The following NSUN2 variants were observed in gnomAD, a reference collection of about 807,000 sequenced individuals.
NSUN2 encodes RNA cytosine C(5)-methyltransferase NSUN2.
In NSUN2, 63 loss-of-function variants were observed where a neutral mutation model predicts 92.7. That is an observed-to-expected ratio of 0.68 (90% CI 0.56 to 0.84). NSUN2 has a LOEUF of 0.84. Among genes scored for constraint, NSUN2 ranks in the 40% least tolerant of loss-of-function variants. The pLI, the probability that NSUN2 is intolerant of heterozygous loss-of-function variation, is 0.00. For missense variants in NSUN2, 989 were observed against 964.9 expected, an observed-to-expected ratio of 1.02 and a Z score of -0.33; for synonymous variants, 356 against 348.3, an observed-to-expected ratio of 1.02 and a Z score of -0.25.
At chr5:6,602,399 C>T (rs1736592547) in intron 18 of NSUN2, 62 bp downstream of exon 18, 18 of 1,523,628 alleles carry the variant, frequency 1.2e-5, no homozygotes, top group Non-Finnish European at 1.5e-5. Context: ...TCCTCACCAA[C>T]GAGAACACTG....
intron 7 of NSUN2, among the ~76,000 whole-genome samples, chr5:6,618,782 C>T (rs1377512393): frequency 1.3e-5 from 2 of 152,108 alleles, no homozygotes; most frequent in Non-Finnish European, 2.9e-5. Flanking sequence ...ATAGTAAAGA[C>T]TGGATTTGTT....
intron 12 of NSUN2, among the ~76,000 whole-genome samples, chr5:6,607,617 A>G (rs1436511537): frequency 6.6e-6 from 1 of 152,216 alleles, no homozygotes; most frequent in Non-Finnish European, 1.5e-5. Context: ...TTAATCCCAC[A>G]AAGAGCATAT....
rs749630832 is a variant in NSUN2 at position 6,609,886 on chromosome 5, C to G, written c.1263G>C (p.Gly421=). 4 of 1,613,786 alleles carry G rather than the reference C, an allele frequency of 2.5e-6. No homozygotes were observed. In the Admixed American group the frequency reaches 6.7e-5, roughly 27 times the overall value. ...RILPHHQNTG[G]FFVAVLVKKS... is the part of the protein sequence containing the mutation. Reference sequence around the variant, plus strand: ...TTTTCACCAATACTGCCACAAAAAACCCTCCAGTATTCTGATGATGGGGTA... The same window carrying G: ...TTTTCACCAATACTGCCACAAAAAAGCCTCCAGTATTCTGATGATGGGGTA... Residue 421 remains glycine, a synonymous_variant, in exon 12 of 19, where the codon GGG becomes GGC. Coordinates refer to ENST00000264670, the MANE Select transcript of NSUN2 (RefSeq NM_017755.6).
intron 3 of NSUN2, among the ~76,000 whole-genome samples, chr5:6,626,432 T>G (rs1487826596): frequency 6.6e-6 from 1 of 152,024 alleles, no homozygotes; most frequent in Admixed American, 6.6e-5. Context: ...TGTAGTGGTG[T>G]AATCTCAGCT....
intron 18 of NSUN2, 75 bp downstream of exon 18, chr5:6,602,386 C>T: frequency 6.8e-7 from 1 of 1,461,128 alleles, no homozygotes; most frequent in East Asian, 2.3e-5. Context: ...TCCCAAGTCA[C>T]TTTCCTCACC....
chr5:6,624,861 C>CA (rs370216917), intron 4 of NSUN2, among the ~76,000 whole-genome samples: 3 of 151,652 alleles, frequency 2.0e-5, no homozygotes, highest in African/African-American at 4.8e-5. Context: ...CTAAGAATTC[C>CA]AAAAAAAATA....
chr5:6,616,346 A>G (rs1579368420), intron 9 of NSUN2, among the ~76,000 whole-genome samples: 1 of 152,252 alleles, frequency 6.6e-6, no homozygotes, highest in East Asian at 1.9e-4. Flanking sequence ...ATTTTGACAC[A>G]GACAACAACA....
chr5:6,604,487 G>A, intron 16 of NSUN2, 118 bp downstream of exon 16: 15 of 1,015,562 alleles, frequency 1.5e-5, no homozygotes, highest in Non-Finnish European at 2.1e-5. Flanking sequence ...CAAGTGGCTG[G>A]TAGGTGCCAG....
Position 6,620,094 on chromosome 5 carries a change from T to C in NSUN2, c.815+12A>G. On this transcript the variant is annotated intron_variant, in intron 7 of 18. Coordinates refer to ENST00000264670, the MANE Select transcript of NSUN2 (RefSeq NM_017755.6). ...TAGTGGATTTGGGCTTTTTGGCCAA[T>C]AAGATAAATACCTGCAAGGGACATC... 6.5e-7 allele frequency: 1 copy of C among 1,540,990 alleles called. No homozygotes were observed. The highest frequency in any genetic ancestry group is 1.2e-5 in the South Asian group (1 of 81,554).
chr5:6,622,752 C>T (rs1404474131), intron 5 of NSUN2, among the ~76,000 whole-genome samples: 1 of 150,520 alleles, frequency 6.6e-6, no homozygotes, highest in African/African-American at 2.4e-5. Flanking sequence ...GAGACTGAGG[C>T]AGGAGAATTG....
At chr5:6,604,501 A>C (rs1306861340) in intron 16 of NSUN2, 104 bp downstream of exon 16, 1 of 1,108,486 alleles carries the variant, frequency 9.0e-7, no homozygotes, top group Non-Finnish European at 1.4e-6. Flanking sequence ...GTGCCAGCCA[A>C]GCCCTGAGCC....
At chr5:6,616,981 C>T in intron 8 of NSUN2, 124 bp from the exon 9 acceptor site, 1 of 784,356 alleles carries the variant, frequency 1.3e-6, no homozygotes, top group Non-Finnish European at 1.9e-6. Flanking sequence ...TAAAAAAAAC[C>T]TTCCAGGGAT....
chr5:6,606,175 TTTC>T (rs2126473878), intron 14 of NSUN2, among the ~76,000 whole-genome samples: 1 of 152,376 alleles, frequency 6.6e-6, no homozygotes, highest in East Asian at 1.9e-4. Flanking sequence ...CTGCTCTTCA[TTTC>T]TTCTACAGAA....
At chr5:6,607,139 T>C in intron 13 of NSUN2, 61 bp downstream of exon 13, 8 of 1,550,574 alleles carry the variant, frequency 5.2e-6, no homozygotes, top group Non-Finnish European at 7.1e-6. Flanking sequence ...GGATCCCATT[T>C]AATCCAAAAG....
rs1173648223 is a variant in NSUN2 at position 6,611,068 on chromosome 5, C to T, written c.1113G>A (p.Gly371=). Residue 371 remains glycine (G), a synonymous_variant, in exon 11 of 19, where the codon GGG becomes GGA. Transcript: ENST00000264670. ...ITQWKVMTKD[G]QWFTDWDAVP... ...CAGCGTCCCAGTCTGTAAACCACTGCCCATCTTTCGTCATTACCTGCAGAA... is the reference window on the plus strand; with the variant it reads ...CAGCGTCCCAGTCTGTAAACCACTGTCCATCTTTCGTCATTACCTGCAGAA... The T allele has an allele frequency of 1.2e-6, 2 of 1,614,054 alleles. No homozygotes were observed. The highest frequency in any genetic ancestry group is 1.7e-6 in the Non-Finnish European group (2 of 1,180,032).
chr5:6,627,994 T>C (rs1283474574), intron 3 of NSUN2, among the ~76,000 whole-genome samples: 1 of 152,186 alleles, frequency 6.6e-6, no homozygotes, highest in Non-Finnish European at 1.5e-5. Flanking sequence ...TCTCAAGTGG[T>C]AAGGACTCTG....
At chr5:6,632,090 A>C in intron 2 of NSUN2, 113 bp from the exon 3 acceptor site, 2 of 779,938 alleles carry the variant, frequency 2.6e-6, no homozygotes, top group South Asian at 3.4e-5. Context: ...TTTTGCATGG[A>C]GAGTAAACAT....
Position 6,606,888 on chromosome 5 carries a change from C to T in NSUN2, c.1533G>A (p.Lys511=), listed in dbSNP as rs1307421924. 2 of 1,590,984 alleles carry T rather than the reference C, an allele frequency of 1.3e-6. No individual in the cohort carries two copies. The highest frequency in any genetic ancestry group is 3.4e-5 in the Admixed American group (2 of 59,634). The change falls in exon 14 of 19, where the codon AAG becomes AAA. Residue 511 remains lysine (K), a synonymous_variant. Coordinates refer to ENST00000264670, the MANE Select transcript of NSUN2 (RefSeq NM_017755.6). ...ATGGATCTTCTTTAAATCCAAATAA[C>T]TTCATTTTCTTTGATGGAGGAGGAC... ...VCGPPPSKKM[K]LFGFKEDPFV...
At chr5:6,620,502 T>C in intron 6 of NSUN2, 1 of 412,510 alleles carries the variant, frequency 2.4e-6, no homozygotes, top group Admixed American at 4.4e-5. Context: ...CACTCGAATT[T>C]TGAAAGCCTC....
Sources: gnomAD v4.1 joint callset for allele counts (sites outside exome capture counted in the v4.1 genomes callset) on GRCh38, gnomAD v4.1.1 for gene constraint, MANE v1.5 for transcripts, NCBI Gene and HGNC (gene_info 2026-07-23, HGNC 2026-07-21) for gene names.